SDK1: variants seen among roughly 807,000 people sequenced by gnomAD.
The protein encoded by SDK1 is sidekick cell adhesion molecule 1, also known as protein sidekick-1.
In SDK1, 157 loss-of-function variants were observed where a neutral mutation model predicts 245.5. The observed-to-expected ratio is 0.64, with a 90% CI of 0.56 to 0.73. The LOEUF is 0.73. Among genes scored for constraint, SDK1 ranks in the 30% least tolerant of loss-of-function variants. The pLI is 0.00. For synonymous variants in SDK1, 1,647 were observed against 1,278.5 expected, an observed-to-expected ratio of 1.29 and a Z score of -6.15; for missense variants, 3,583 against 3,002.3, an observed-to-expected ratio of 1.19 and a Z score of -4.52.
At chr7:3,601,193 T>C (rs1781242739) in intron 1 of SDK1, among the ~76,000 whole-genome samples, 1 of 152,206 alleles carries the variant, frequency 6.6e-6, no homozygotes, top group Non-Finnish European at 1.5e-5. Context: ...CTTTTTTGTA[T>C]TTGTCAAGAT....
chr7:4,106,967 G>A (rs1231213217), intron 22 of SDK1, among the ~76,000 whole-genome samples: 1 of 151,970 alleles, frequency 6.6e-6, no homozygotes, highest in Non-Finnish European at 1.5e-5. Flanking sequence ...CTGGGGCCAG[G>A]AAAGCAGCCA....
In SDK1 at chr7:4,042,684, C is replaced by G. The variant is rs961281191; in HGVS notation, c.2603-6664C>G. Among the ~76,000 whole-genome samples the G allele has an allele frequency of 3.0e-4, 45 of 152,274 alleles. 1 individual carries two copies. Among genetic ancestry groups the G allele is most frequent in the African/African-American group, 1.0e-3 (43 of 41,546 alleles). ...GAGCAGCGGGAGGCCACGCTGCACA[C>G]TTGAAACCCCTTTTGCCTTGACTTT... On this transcript the variant is annotated intron_variant, in intron 17 of 44. Transcript: ENST00000404826.
At chr7:3,849,033 C>T (rs925864783) in intron 5 of SDK1, among the ~76,000 whole-genome samples, 1 of 152,194 alleles carries the variant, frequency 6.6e-6, no homozygotes, top group Non-Finnish European at 1.5e-5. Flanking sequence ...CCCAGCGCAT[C>T]AGATCTTCAC....
intron 5 of SDK1, among the ~76,000 whole-genome samples, chr7:3,920,373 G>A (rs1219378867): frequency 2.6e-5 from 4 of 152,146 alleles, no homozygotes; most frequent in African/African-American, 4.8e-5. Flanking sequence ...TGGTAAGAGG[G>A]GAACATACTT....
chr7:4,115,255 G>A (rs1477161365), intron 25 of SDK1, among the ~76,000 whole-genome samples: 1 of 152,216 alleles, frequency 6.6e-6, no homozygotes, highest in East Asian at 1.9e-4. Flanking sequence ...TTGGATGAGA[G>A]TCACAGCTTG....
intron 1 of SDK1, among the ~76,000 whole-genome samples, chr7:3,328,418 C>CA (rs1465517354): frequency 6.6e-6 from 1 of 151,998 alleles, no homozygotes; most frequent in East Asian, 1.9e-4. Context: ...ATCATGCTAA[C>CA]ATTCTAGTTC....
intron 4 of SDK1, among the ~76,000 whole-genome samples, chr7:3,752,272 T>A (rs1401199812): frequency 6.6e-6 from 1 of 152,206 alleles, no homozygotes; most frequent in Non-Finnish European, 1.5e-5. Flanking sequence ...TCTTAATGCA[T>A]GTTTAGGACT....
chr7:3,462,390 T>C (rs570268299), intron 1 of SDK1, among the ~76,000 whole-genome samples: 21 of 152,340 alleles, frequency 1.4e-4, no homozygotes, highest in African/African-American at 4.8e-4. Context: ...TATTATTGAA[T>C]GTTAGCATTT....
intron 44 of SDK1, among the ~76,000 whole-genome samples, chr7:4,250,902 C>G (rs1031070035): frequency 6.6e-6 from 1 of 152,092 alleles, no homozygotes; most frequent in African/African-American, 2.4e-5. Context: ...ACTTTTTCAT[C>G]GCTCTAAAAA....
chr7:3,946,260 C>G (rs777265142), intron 5 of SDK1, among the ~76,000 whole-genome samples: 2 of 152,082 alleles, frequency 1.3e-5, no homozygotes, highest in Non-Finnish European at 2.9e-5. Flanking sequence ...TCACTGCAGC[C>G]TCAACCTCCT....
At chr7:3,501,860 A>G (rs1211990688) in intron 1 of SDK1, among the ~76,000 whole-genome samples, 1 of 152,154 alleles carries the variant, frequency 6.6e-6, no homozygotes, top group Non-Finnish European at 1.5e-5. Context: ...AAGATTCTGT[A>G]TTATGAGCTC....
At chr7:3,481,446 C>T (rs1370889975) in intron 1 of SDK1, among the ~76,000 whole-genome samples, 1 of 152,192 alleles carries the variant, frequency 6.6e-6, no homozygotes, top group Non-Finnish European at 1.5e-5. Flanking sequence ...TCTAGATATG[C>T]CCTCTACACG....
At chr7:4,227,747 G>A (rs1015099694) in intron 40 of SDK1, among the ~76,000 whole-genome samples, 4 of 152,206 alleles carry the variant, frequency 2.6e-5, no homozygotes, top group African/African-American at 9.6e-5. Flanking sequence ...CTCCGTTCTG[G>A]GCGTTGGAGG....
chr7:3,412,591 G>A (rs1423864577), intron 1 of SDK1, among the ~76,000 whole-genome samples: 4 of 152,152 alleles, frequency 2.6e-5, no homozygotes, highest in South Asian at 4.1e-4. Flanking sequence ...TCTTTTCCAC[G>A]TGTCATTTCA....
rs189224225 is a variant in SDK1, at chr7:3,353,784, G to A, written c.298+51900G>A. Among the ~76,000 whole-genome samples, 427 of 151,134 alleles carry A rather than the reference G, an allele frequency of 2.8e-3. 5 individuals carry two copies. Among genetic ancestry groups the A allele is most frequent in the Non-Finnish European group, 2.3e-3 (157 of 67,616 alleles). On this transcript the variant is annotated intron_variant, in intron 1 of 44. Coordinates refer to ENST00000404826, the MANE Select transcript of SDK1 (RefSeq NM_152744.4). ...TTTTGCTGGTGAAGGAACATTAACTGTAGATTTCATCTAGAAGATCACTAG... is the reference window on the plus strand; with the variant it reads ...TTTTGCTGGTGAAGGAACATTAACTATAGATTTCATCTAGAAGATCACTAG...
intron 1 of SDK1, among the ~76,000 whole-genome samples, chr7:3,536,859 A>G (rs1347097717): frequency 6.6e-6 from 1 of 152,244 alleles, no homozygotes; most frequent in East Asian, 1.9e-4. Flanking sequence ...CCATTTTAAT[A>G]AAAGTACCAT....
chr7:4,107,202 G>A lies in SDK1; in HGVS notation c.3325-3461G>A, dbSNP rs566789931. On this transcript the variant is annotated intron_variant, in intron 22 of 44. Coordinates refer to ENST00000404826, the MANE Select transcript of SDK1 (RefSeq NM_152744.4). ...AACCAGAGGAAGGAGACCTGGAGTC[G>A]CTTAGCAAAGGTGAATGAGCGTCCG... Among the ~76,000 whole-genome samples the A allele has an allele frequency of 2.6e-5, 4 of 151,346 alleles. No homozygotes were observed. In the South Asian group the frequency reaches 8.3e-4, roughly 32 times the overall value.
chr7:4,013,874 T>A (rs985065509), intron 16 of SDK1, among the ~76,000 whole-genome samples: 2 of 152,216 alleles, frequency 1.3e-5, no homozygotes, highest in Non-Finnish European at 2.9e-5. Flanking sequence ...GAGCTTGCAG[T>A]TCTGTCCCCT....
At chr7:3,773,142 C>G (rs55702014) in intron 4 of SDK1, among the ~76,000 whole-genome samples, 1 of 152,056 alleles carries the variant, frequency 6.6e-6, no homozygotes, top group Admixed American at 6.6e-5. Flanking sequence ...TGTTCTTTCT[C>G]CCTCTCTTCT....
Sources: gnomAD v4.1 joint callset for allele counts (sites outside exome capture counted in the v4.1 genomes callset) on GRCh38, gnomAD v4.1.1 for gene constraint, MANE v1.5 for transcripts, NCBI Gene and HGNC (gene_info 2026-07-23, HGNC 2026-07-21) for gene names.